The following CACNA2D1 variants were observed in gnomAD, a reference collection of about 807,000 sequenced individuals.
CACNA2D1 encodes voltage-dependent calcium channel subunit alpha-2/delta-1.
Under a neutral mutation model 171.5 loss-of-function variants are expected in CACNA2D1, and 53 were observed. The observed-to-expected ratio is 0.31, with a 90% CI of 0.25 to 0.39. The LOEUF (loss-of-function observed/expected upper bound fraction) is 0.39, where lower values mean the gene tolerates loss of function less well. Among genes scored for constraint, CACNA2D1 ranks in the 10% least tolerant of loss-of-function variants. CACNA2D1 has a pLI of 1.00. For missense variants in CACNA2D1, 903 were observed against 1,299.8 expected (o/e 0.69, Z 4.69); for synonymous variants, 442 against 443.1 (o/e 1.00, Z 0.03).
chr7:82,191,626 TA>T (rs1467157376), intron 3 of CACNA2D1, among the ~76,000 whole-genome samples: 2 of 151,798 alleles, frequency 1.3e-5, no homozygotes, highest in African/African-American at 4.8e-5. Flanking sequence ...AAATGTTTTA[TA>T]TATTTTTAAA....
intron 3 of CACNA2D1, among the ~76,000 whole-genome samples, chr7:82,226,046 T>A (rs544300220): frequency 1.3e-5 from 2 of 152,312 alleles, no homozygotes; most frequent in East Asian, 3.9e-4. Flanking sequence ...TTGAAATGTA[T>A]CAAATAGGAA....
chr7:82,417,508 C>T (rs1175885549), intron 1 of CACNA2D1, among the ~76,000 whole-genome samples: 1 of 152,152 alleles, frequency 6.6e-6, no homozygotes, highest in Admixed American at 6.5e-5. Flanking sequence ...AAAATGCAAA[C>T]ACCACATCAG....
At chr7:82,435,917 A>T (rs1264186638) in intron 1 of CACNA2D1, among the ~76,000 whole-genome samples, 1 of 152,192 alleles carries the variant, frequency 6.6e-6, no homozygotes, top group African/African-American at 2.4e-5. Flanking sequence ...AGCTACCAAC[A>T]TCACTTCCAA....
At chr7:82,241,437 T>A (rs1028441571) in intron 3 of CACNA2D1, among the ~76,000 whole-genome samples, 1 of 152,330 alleles carries the variant, frequency 6.6e-6, no homozygotes, top group South Asian at 2.1e-4. Context: ...AATTGCTTTT[T>A]CAGACCTGCT....
chr7:82,230,876 G>A (rs1802855735), intron 3 of CACNA2D1, among the ~76,000 whole-genome samples: 1 of 152,146 alleles, frequency 6.6e-6, no homozygotes, highest in Admixed American at 6.5e-5. Context: ...TTTTAGGAAG[G>A]CTTGAACTAA....
At chr7:82,428,026 G>T (rs1039763991) in intron 1 of CACNA2D1, among the ~76,000 whole-genome samples, 2 of 151,682 alleles carry the variant, frequency 1.3e-5, no homozygotes, top group Non-Finnish European at 2.9e-5. Flanking sequence ...CCAAGACTCC[G>T]TCTCTCCAAA....
At chr7:82,327,196 T>A (rs1816760744) in intron 3 of CACNA2D1, among the ~76,000 whole-genome samples, 1 of 152,220 alleles carries the variant, frequency 6.6e-6, no homozygotes, top group South Asian at 2.1e-4. Flanking sequence ...ACTGATGGGA[T>A]ATACATTGTA....
intron 3 of CACNA2D1, among the ~76,000 whole-genome samples, chr7:82,252,607 C>G (rs1451410872): frequency 3.3e-5 from 5 of 152,154 alleles, no homozygotes; most frequent in African/African-American, 9.7e-5. Context: ...GGAGGAAACA[C>G]TTGGCCGGGC....
At chr7:82,248,157 A>T (rs1198652247) in intron 3 of CACNA2D1, among the ~76,000 whole-genome samples, 1 of 152,184 alleles carries the variant, frequency 6.6e-6, no homozygotes, top group Non-Finnish European at 1.5e-5. Flanking sequence ...AACAATAATA[A>T]CCATAATAAA....
intron 38 of CACNA2D1, among the ~76,000 whole-genome samples, chr7:81,953,567 A>C (rs1393899834): frequency 5.9e-5 from 9 of 151,906 alleles, no homozygotes; most frequent in Admixed American, 2.0e-4. Context: ...TAAAAAAAAA[A>C]CAAATACTTT....
At chr7:82,029,096 C>G (rs1425148901) in intron 12 of CACNA2D1, 1 of 151,616 alleles carries the variant, frequency 6.6e-6, no homozygotes, top group Non-Finnish European at 1.5e-5. Context: ...CATTGTTGTC[C>G]TATTTTAAGA....
chr7:82,197,706 A>C (rs1408799118), intron 3 of CACNA2D1, among the ~76,000 whole-genome samples: 1 of 152,106 alleles, frequency 6.6e-6, no homozygotes, highest in Non-Finnish European at 1.5e-5. Context: ...AGAATTAAAC[A>C]TTCAGCTACA....
chr7:82,090,928 TAAGAA>T (rs1456052337), intron 6 of CACNA2D1, among the ~76,000 whole-genome samples: 1 of 151,750 alleles, frequency 6.6e-6, no homozygotes, highest in Non-Finnish European at 1.5e-5. Context: ...TTGACTACCT[TAAGAA>T]AAGTCATTTA....
intron 7 of CACNA2D1, among the ~76,000 whole-genome samples, chr7:82,074,509 T>G (rs913861186): frequency 1.3e-5 from 2 of 152,218 alleles, no homozygotes; most frequent in African/African-American, 4.8e-5. Context: ...ATTACAGGCA[T>G]GAGCCACTGT....
chr7:82,252,815 G>A (rs565932682), intron 3 of CACNA2D1, among the ~76,000 whole-genome samples: 5 of 152,062 alleles, frequency 3.3e-5, no homozygotes, highest in East Asian at 3.9e-4. Flanking sequence ...GCTTGAACCC[G>A]GGAGGCAGAG....
intron 3 of CACNA2D1, among the ~76,000 whole-genome samples, chr7:82,302,632 C>T (rs1403094173): frequency 2.0e-5 from 3 of 152,014 alleles, no homozygotes; most frequent in African/African-American, 2.4e-5. Context: ...AGGCTGGTCT[C>T]GAACTCCCGA....
At chr7:82,072,118 G>A (rs1445280872) in intron 7 of CACNA2D1, among the ~76,000 whole-genome samples, 2 of 152,058 alleles carry the variant, frequency 1.3e-5, no homozygotes, top group African/African-American at 4.8e-5. Flanking sequence ...CTTGATACAG[G>A]TCAGGACTTT....
intron 1 of CACNA2D1, among the ~76,000 whole-genome samples, chr7:82,403,394 C>T (rs770187072): frequency 1.3e-5 from 2 of 152,050 alleles, no homozygotes; most frequent in African/African-American, 4.8e-5. Context: ...TCTTTTTGGT[C>T]GGTTGTAAAG....
intron 3 of CACNA2D1, among the ~76,000 whole-genome samples, chr7:82,187,165 GAAAC>G (rs1797866178): frequency 6.6e-6 from 1 of 152,064 alleles, no homozygotes; most frequent in South Asian, 2.1e-4. Context: ...AATACTAAAA[GAAAC>G]AAACAAACGC....
Sources: allele counts gnomAD v4.1 joint callset (sites outside exome capture counted in the v4.1 genomes callset), GRCh38; gene constraint gnomAD v4.1.1; transcripts MANE v1.5; gene names NCBI Gene and HGNC (gene_info 2026-07-23, HGNC 2026-07-21).